MDN1: variants seen among roughly 807,000 people sequenced by gnomAD.
MDN1 encodes midasin AAA ATPase 1.
MDN1 carries 266 observed loss-of-function variants against 669.2 expected under a neutral mutation model. That is an observed-to-expected ratio of 0.40 (90% confidence interval 0.36 to 0.44). The LOEUF is 0.44. Among genes scored for constraint, MDN1 ranks in the 20% least tolerant of loss-of-function variants. MDN1 has a pLI of 1.00. For synonymous variants in MDN1, 2,385 were observed against 2,457.1 expected (o/e 0.97, Z 0.87); for missense variants, 5,940 against 6,754.0 (o/e 0.88, Z 4.22).
At position 89,689,864 on chromosome 6, in the gene MDN1, C is replaced by T. The variant is rs1370742103; in HGVS notation, c.11023+6G>A. The T allele has an allele frequency of 4.3e-6, 7 of 1,613,058 alleles. No homozygotes were observed. The Admixed American group carries it at 1.0e-4, about 23-fold the overall frequency. On this transcript the variant is annotated splice_donor_region_variant and intron_variant, in intron 65 of 101. Transcript: ENST00000369393. ...CCAGGGGCATAACAAAAGTAAACTA[C>T]CATACCCATCAGGGGGTAGAAGTGT...
At chr6:89,685,227 T>A (rs375938774) in intron 70 of MDN1, among the ~76,000 whole-genome samples, 2 of 152,108 alleles carry the variant, frequency 1.3e-5, no homozygotes, top group East Asian at 3.9e-4. Flanking sequence ...TTTTGCACTT[T>A]TGTTCTTGAA....
In MDN1 at chr6:89,819,569, C is replaced by T. The variant is rs759315529; in HGVS notation, c.39G>A (p.Leu13=). 1 of 1,603,608 alleles carries T rather than the reference C, an allele frequency of 6.2e-7. No individual in the cohort carries two copies. The highest frequency in any genetic ancestry group is 1.1e-5 in the South Asian group (1 of 91,088). Reference sequence around the variant, plus strand: ...TCTCGTTCTTGGCTGCGATTAACCGCAGCGGCGCGGCTGCCACCTCCAGCA... The same window carrying T: ...TCTCGTTCTTGGCTGCGATTAACCGTAGCGGCGCGGCTGCCACCTCCAGCA... ...HFLLEVAAAP[L]RLIAAKNEKS... Residue 13 remains leucine (L), a synonymous_variant, in exon 1 of 102, where the codon CTG becomes CTA. Transcript: ENST00000369393.
intron 33 of MDN1, among the ~76,000 whole-genome samples, chr6:89,734,429 GCTC>G (rs1174065023): frequency 6.6e-6 from 1 of 151,958 alleles, no homozygotes; most frequent in East Asian, 1.9e-4. Context: ...AGGCACCATG[GCTC>G]CTATCTATAA....
intron 13 of MDN1, among the ~76,000 whole-genome samples, chr6:89,773,071 T>G (rs1404097285): frequency 6.6e-6 from 1 of 152,188 alleles, no homozygotes; most frequent in Non-Finnish European, 1.5e-5. Context: ...CTAGTTGTAA[T>G]AGGTTAATAA....
intron 50 of MDN1, 144 bp downstream of exon 50, chr6:89,710,537 G>T: frequency 2.4e-6 from 1 of 424,592 alleles, no homozygotes; most frequent in Admixed American, 4.6e-5. Context: ...CAAAAAAAAA[G>T]AAGGAGAATT....
rs543786257 is a variant in MDN1 at position 89,678,386 on chromosome 6, A to G, written c.12412+213T>C. Among the ~76,000 whole-genome samples the G allele has an allele frequency of 2.6e-4, 40 of 152,156 alleles. 2 individuals are homozygous for G. Among genetic ancestry groups the G allele is most frequent in the Non-Finnish European group, 1.6e-4 (11 of 68,030 alleles). On this transcript the variant is annotated intron_variant, in intron 75 of 101. Transcript: ENST00000369393. ...AAAAATATAGATTCCGAGAAACCTC[A>G]TACAAAGCGGGAAATATTTGGGAAT...
At chr6:89,807,223 A>C (rs1768080595) in intron 1 of MDN1, among the ~76,000 whole-genome samples, 1 of 152,056 alleles carries the variant, frequency 6.6e-6, no homozygotes. Flanking sequence ...AGTAGCTGGG[A>C]CTACAGGCAC....
At chr6:89,800,532 A>C (rs1355471859) in intron 2 of MDN1, among the ~76,000 whole-genome samples, 2 of 152,200 alleles carry the variant, frequency 1.3e-5, no homozygotes, top group Non-Finnish European at 2.9e-5. Flanking sequence ...TGGGGAGCAT[A>C]GATGCTTACT....
Position 89,658,745 on chromosome 6 carries a change from A to T in MDN1, c.14886T>A (p.Asp4962Glu). 3 of 1,614,088 alleles carry T rather than the reference A, an allele frequency of 1.9e-6. No individual in the cohort carries two copies. Among genetic ancestry groups the T allele is most frequent in the African/African-American group, 2.7e-5 (2 of 75,014 alleles). ...GCTGAGCAGCATCTCCATCTTGGTC[A>T]TCAGCTCCTGTGTCCATTTCCTCTT... ...EGEEEMDTGA[D>E]DQDGDAAQHP... Residue 4962 changes from aspartate (D) to glutamate (E), a missense_variant, in exon 89 of 102, where the codon GAT becomes GAA. Coordinates refer to ENST00000369393, the MANE Select transcript of MDN1 (RefSeq NM_014611.3).
chr6:89,741,471 G>A (rs1816294329), intron 31 of MDN1, among the ~76,000 whole-genome samples: 1 of 152,006 alleles, frequency 6.6e-6, no homozygotes, highest in Admixed American at 6.6e-5. Context: ...TAAAAGAAAA[G>A]TAATAGCGCC....
chr6:89,749,455 G>A (rs1816839130), intron 25 of MDN1, 86 bp from the exon 26 acceptor site: 1 of 1,592,928 alleles, frequency 6.3e-7, no homozygotes. Flanking sequence ...AAATATTAAA[G>A]GAGAAGTAAA....
chr6:89,818,584 G>A (rs968778758), intron 1 of MDN1, among the ~76,000 whole-genome samples: 4 of 152,054 alleles, frequency 2.6e-5, no homozygotes, highest in Non-Finnish European at 4.4e-5. Context: ...GGCTGAGGCG[G>A]GTGGATCACG....
chr6:89,801,605 A>G lies in MDN1; in HGVS notation c.329+1723T>C, dbSNP rs543300533. ...GCAGAGGTTACAGTGAGCCAAGACC[A>G]TGCCACTGCACTCCAGCCTAGGTGA... is the stretch of plus-strand genomic sequence containing the variant. On this transcript the variant is annotated intron_variant, in intron 2 of 101. Coordinates refer to ENST00000369393, the MANE Select transcript of MDN1 (RefSeq NM_014611.3). 5.9e-5 allele frequency among the ~76,000 whole-genome samples: 9 copies of G among 152,008 alleles called. No homozygotes were observed. The East Asian group carries it at 1.7e-3, about 29-fold the overall frequency.
rs992661809 is a variant in MDN1 at position 89,714,781 on chromosome 6, T to A, written c.6861-30A>T. ...AAAAATAGCAATTCAAAGAAAAAAA[T>A]GATTTTAAATCCCAGTGCAACCAAA... is the stretch of plus-strand genomic sequence containing the variant. On this transcript the variant is annotated intron_variant, in intron 45 of 101. Coordinates refer to ENST00000369393, the MANE Select transcript of MDN1 (RefSeq NM_014611.3). The A allele has an allele frequency of 2.5e-6, 4 of 1,582,090 alleles. No homozygotes were observed. In the African/African-American group the frequency reaches 4.1e-5, roughly 16 times the overall value.
At chr6:89,699,471 A>T in intron 58 of MDN1, 130 bp downstream of exon 58, 1 of 1,005,256 alleles carries the variant, frequency 9.9e-7, no homozygotes, top group Non-Finnish European at 1.4e-6. Context: ...TTTAAGAGGC[A>T]ATTCAAAAAA....
chr6:89,708,107 G>T (rs1427712244), intron 51 of MDN1, among the ~76,000 whole-genome samples: 3 of 152,122 alleles, frequency 2.0e-5, no homozygotes, highest in African/African-American at 7.2e-5. Flanking sequence ...TTTAAGACCA[G>T]TCTGGGCAAC....
At position 89,672,614 on chromosome 6, in the gene MDN1, G is replaced by C. The variant is rs746051834; in HGVS notation, c.13563C>G (p.Asn4521Lys). 2 of 1,614,046 alleles carry C rather than the reference G, an allele frequency of 1.2e-6. No homozygotes were observed. The highest frequency in any genetic ancestry group is 2.2e-5 in the South Asian group (2 of 91,064). Residue 4521 changes from asparagine (N) to lysine (K), a missense_variant, in exon 81 of 102, where the codon AAC (asparagine) becomes AAG (lysine). Physicochemically the swap from Asn to Lys is moderately conservative, Grantham distance 94. Around this residue, in one of 5 missense-constraint regions of MDN1, gnomAD observed 2,280 missense variants for 2,576.3 expected, o/e 0.88. Transcript: ENST00000369393. ...CTTTTTCATTCTTTCTTTCTTCTAA[G>C]TTCTGGATGGCACAGAGGATGGCTC... Reference protein sequence around the residue: ...AIRAILCAIQNLEERKNEKAE... With the variant: ...AIRAILCAIQKLEERKNEKAE...
intron 43 of MDN1, 99 bp from the exon 44 acceptor site, chr6:89,716,908 T>C (rs532476702): frequency 3.1e-6 from 4 of 1,283,004 alleles, no homozygotes; most frequent in Admixed American, 3.0e-5. Context: ...GCCAAGGTTT[T>C]TAAGATTTCA....
intron 1 of MDN1, among the ~76,000 whole-genome samples, chr6:89,810,769 G>A (rs151169008): frequency 2.0e-5 from 3 of 152,232 alleles, no homozygotes; most frequent in African/African-American, 7.2e-5. Context: ...AGGCTGAGGT[G>A]GACAGATCAC....
Sources: allele counts gnomAD v4.1 joint callset (sites outside exome capture counted in the v4.1 genomes callset), GRCh38; gene constraint gnomAD v4.1.1; regional missense constraint gnomAD v4.1.1; transcripts MANE v1.5; gene names NCBI Gene and HGNC (gene_info 2026-07-23, HGNC 2026-07-21).